The following NXPE2 variants were observed in gnomAD, a reference collection of about 807,000 sequenced individuals.
NXPE2 encodes NXPE family member 2.
A neutral mutation model predicts 34.4 loss-of-function variants in NXPE2; 34 were observed. The ratio of observed to expected loss-of-function variants is 0.99; its 90% CI spans 0.75 to 1.31. The LOEUF is 1.31. NXPE2 is among the 40% of genes most tolerant of loss of function. NXPE2 has a pLI of 0.00. For missense variants in NXPE2, 649 were observed against 672.5 expected (o/e 0.97, Z 0.39); for synonymous variants, 235 against 231.3 (o/e 1.02, Z -0.15).
At chr11:114,499,516 T>C in the NXPE2 span, among the ~76,000 whole-genome samples, 2 of 152,184 alleles carry the variant, frequency 1.3e-5, no homozygotes, top group Non-Finnish European at 2.9e-5. Flanking sequence ...TTTTGCTGCA[T>C]TTATAGATTT....
chr11:114,811,837 C>A, the NXPE2 span, among the ~76,000 whole-genome samples: 1 of 152,150 alleles, frequency 6.6e-6, no homozygotes, highest in Non-Finnish European at 1.5e-5. Context: ...TCACTTATTA[C>A]CTCCATGACC....
chr11:114,683,531 C>T (rs1269254720), intron 2 of NXPE2, among the ~76,000 whole-genome samples: 2 of 151,784 alleles, frequency 1.3e-5, no homozygotes, highest in Non-Finnish European at 2.9e-5. Flanking sequence ...AGTGATTCTC[C>T]TGCCTCAGCC....
the NXPE2 span, among the ~76,000 whole-genome samples, chr11:114,563,133 G>A: frequency 2.6e-5 from 4 of 152,148 alleles, no homozygotes; most frequent in Admixed American, 1.3e-4. Flanking sequence ...TATAAAGTGG[G>A]GAAGGTACAG....
the NXPE2 span, among the ~76,000 whole-genome samples, chr11:114,474,202 C>T: frequency 2.6e-5 from 4 of 151,978 alleles, no homozygotes; most frequent in South Asian, 8.3e-4. Flanking sequence ...AAAGGTCAGA[C>T]CTGGAGGTAA....
the NXPE2 span, among the ~76,000 whole-genome samples, chr11:114,581,397 A>C: frequency 6.6e-6 from 1 of 152,266 alleles, no homozygotes; most frequent in South Asian, 2.1e-4. Flanking sequence ...TGGGAGTGGT[A>C]TGAAGAGAGG....
At chr11:114,566,001 C>T in the NXPE2 span, among the ~76,000 whole-genome samples, 2 of 152,120 alleles carry the variant, frequency 1.3e-5, no homozygotes, top group Non-Finnish European at 2.9e-5. Flanking sequence ...CAATTTATGA[C>T]TACCTGTATG....
chr11:114,724,007 T>C, the NXPE2 span, among the ~76,000 whole-genome samples: 1 of 152,164 alleles, frequency 6.6e-6, no homozygotes, highest in East Asian at 1.9e-4. Flanking sequence ...TCCTCTTCTT[T>C]TCTAGAGAAG....
At position 114,706,519 on chromosome 11, in the gene NXPE2, C is replaced by T. The variant is rs1360705560; in HGVS notation, c.1269C>T (p.Phe423=). Residue 423 remains phenylalanine (F), a synonymous_variant, in exon 6 of 6, where the codon TTC becomes TTT. Coordinates refer to ENST00000389586, the MANE Select transcript of NXPE2 (RefSeq NM_182495.6). ...ATCCATTTGTTACCAAAAAATTATT[C>T]TCAGTGAAAGATGAAAACTATATCC... The part of the protein sequence containing the change: ...HGHPFVTKKL[F]SVKDENYIPR... 1.3e-6 allele frequency: 2 copies of T among 1,551,772 alleles called. No individual in the cohort carries two copies. The highest frequency in any genetic ancestry group is 1.7e-6 in the Non-Finnish European group (2 of 1,146,970).
chr11:114,585,480 A>T, the NXPE2 span, among the ~76,000 whole-genome samples: 1 of 152,238 alleles, frequency 6.6e-6, no homozygotes, highest in South Asian at 2.1e-4. Flanking sequence ...AGGAGTCACT[A>T]TGCTTATATC....
At chr11:114,517,480 G>A in the NXPE2 span, among the ~76,000 whole-genome samples, 1 of 152,062 alleles carries the variant, frequency 6.6e-6, no homozygotes, top group African/African-American at 2.4e-5. Context: ...ATTTATTTTT[G>A]ATTAATTTCT....
chr11:114,493,343 T>G, the NXPE2 span, among the ~76,000 whole-genome samples: 1 of 152,256 alleles, frequency 6.6e-6, no homozygotes, highest in African/African-American at 2.4e-5. Flanking sequence ...AAGGGCTTAC[T>G]CCTGCCATTT....
chr11:114,668,987 C>T, the NXPE2 span, among the ~76,000 whole-genome samples: 1 of 152,042 alleles, frequency 6.6e-6, no homozygotes, highest in Non-Finnish European at 1.5e-5. Flanking sequence ...ATTCCACTCC[C>T]AGCTCTATAG....
chr11:114,699,167 C>T (rs778072199), intron 3 of NXPE2, among the ~76,000 whole-genome samples: 11 of 152,116 alleles, frequency 7.2e-5, no homozygotes, highest in Non-Finnish European at 1.5e-4. Flanking sequence ...GAGCTTTACC[C>T]CTTACATCCA....
chr11:114,524,283 A>C, the NXPE2 span, among the ~76,000 whole-genome samples: 21 of 152,246 alleles, frequency 1.4e-4, no homozygotes, highest in East Asian at 4.1e-3. Flanking sequence ...ACTGGTTTCT[A>C]TTACTAAAGA....
the NXPE2 span, chr11:114,583,192 TA>T: frequency 1.3e-6 from 1 of 794,238 alleles, no homozygotes. Flanking sequence ...AATTCTCCAA[TA>T]AAAAGGCATA....
At chr11:114,724,404 T>C in the NXPE2 span, among the ~76,000 whole-genome samples, 1 of 152,196 alleles carries the variant, frequency 6.6e-6, no homozygotes, top group Non-Finnish European at 1.5e-5. Context: ...AACCATGATA[T>C]TCACTTCTGT....
the NXPE2 span, among the ~76,000 whole-genome samples, chr11:114,768,622 T>C: frequency 2.6e-5 from 4 of 152,324 alleles, no homozygotes; most frequent in Admixed American, 1.3e-4. Flanking sequence ...GAAGAGGTTC[T>C]TCACATCCCT....
the NXPE2 span, among the ~76,000 whole-genome samples, chr11:114,799,193 T>C: frequency 6.6e-6 from 1 of 151,540 alleles, no homozygotes. Context: ...AGAAAATAAG[T>C]TAGTCTATCT....
chr11:114,621,436 G>A, the NXPE2 span, among the ~76,000 whole-genome samples: 2 of 151,894 alleles, frequency 1.3e-5, no homozygotes, highest in Non-Finnish European at 1.5e-5. Flanking sequence ...TTGCCTCTAA[G>A]GTAATCACTG....
Sources: allele counts gnomAD v4.1 joint callset (sites outside exome capture counted in the v4.1 genomes callset), GRCh38; gene constraint gnomAD v4.1.1; transcripts MANE v1.5; gene names NCBI Gene and HGNC (gene_info 2026-07-23, HGNC 2026-07-21).